TBC1D22A: variants seen among roughly 807,000 people sequenced by gnomAD.
TBC1D22A encodes TBC1 domain family member 22A, also known as putative GTPase activator.
A neutral mutation model predicts 60.2 loss-of-function variants in TBC1D22A; 38 were observed. That is an observed-to-expected ratio of 0.63 (90% CI 0.49 to 0.83). The LOEUF is 0.83. Ranked by LOEUF, TBC1D22A falls within the 40% of genes least tolerant of loss-of-function variation. The pLI, the probability that TBC1D22A is intolerant of heterozygous loss-of-function variation, is 0.00. For synonymous variants in TBC1D22A, 302 were observed against 281.7 expected, an observed-to-expected ratio of 1.07 and a Z score of -0.72; for missense variants, 628 against 701.0, an observed-to-expected ratio of 0.90 and a Z score of 1.18.
chr22:46,922,686 T>C (rs1355750066), intron 8 of TBC1D22A, among the ~76,000 whole-genome samples: 1 of 152,224 alleles, frequency 6.6e-6, no homozygotes, highest in African/African-American at 2.4e-5. Flanking sequence ...TTTATTCTTT[T>C]TGTGGCTGTT....
At chr22:46,885,354 A>G (rs2068058453) in intron 5 of TBC1D22A, among the ~76,000 whole-genome samples, 1 of 152,108 alleles carries the variant, frequency 6.6e-6, no homozygotes. Flanking sequence ...GACTCTGGGC[A>G]CATTAACCAC....
chr22:47,051,917 C>T (rs1022877183), intron 11 of TBC1D22A, among the ~76,000 whole-genome samples: 1 of 152,242 alleles, frequency 6.6e-6, no homozygotes, highest in Admixed American at 6.5e-5. Context: ...GGTCACTGTG[C>T]GGAGGTGAAC....
chr22:47,048,186 T>C (rs1339281656), intron 11 of TBC1D22A, among the ~76,000 whole-genome samples: 1 of 152,164 alleles, frequency 6.6e-6, no homozygotes, highest in East Asian at 1.9e-4. Context: ...GCCCTGCTGC[T>C]GAGAGGTGTG....
intron 12 of TBC1D22A, among the ~76,000 whole-genome samples, chr22:47,136,770 C>G (rs1456832335): frequency 6.6e-6 from 1 of 152,244 alleles, no homozygotes; most frequent in Non-Finnish European, 1.5e-5. Flanking sequence ...ACGTCACTGC[C>G]TGTGCCCCCA....
rs551848371 is a variant in TBC1D22A, at chr22:47,040,776, T to G, written c.1329+3578T>G. 2.3e-4 allele frequency among the ~76,000 whole-genome samples: 35 copies of G among 152,260 alleles called. 1 individual carries two copies. The highest frequency in any genetic ancestry group is 7.5e-4 in the African/African-American group (31 of 41,554). ...AGAACAACAGGTTCTGACAGGACAT[T>G]CAAAGCCAGGTTCTTTTCTCTAAAT... On this transcript the variant is annotated intron_variant, in intron 11 of 12. Coordinates refer to ENST00000337137, the MANE Select transcript of TBC1D22A (RefSeq NM_014346.5).
chr22:47,099,271 T>C (rs1170668250), intron 11 of TBC1D22A, among the ~76,000 whole-genome samples: 2 of 151,902 alleles, frequency 1.3e-5, no homozygotes, highest in Admixed American at 6.6e-5. Context: ...CATTACCAGA[T>C]AAGAAGCCTG....
chr22:47,150,516 G>A (rs1469341444), intron 12 of TBC1D22A, among the ~76,000 whole-genome samples: 12 of 152,206 alleles, frequency 7.9e-5, no homozygotes, highest in Non-Finnish European at 1.0e-4. Context: ...CTGGGTGGCC[G>A]GGCTTGCTGG....
At position 46,762,794 on chromosome 22, in the gene TBC1D22A, G is replaced by C. The variant is rs940047837; in HGVS notation, c.8G>C (p.Ser3Thr). The stretch of plus-strand genomic sequence containing the variant: ...GAGGGATGAGGAGGGGCCATGGCCA[G>C]CGACGGGGCCAGGAAGCAATTCTGG... MA[S>T]DGARKQFWKR... is the part of the protein sequence containing the mutation. Residue 3 changes from serine (S) to threonine (T), a missense_variant, in exon 1 of 13, where the codon AGC becomes ACC. By Grantham distance (58) the Ser-to-Thr change is moderately conservative. Transcript: ENST00000337137. 3.4e-6 allele frequency: 5 copies of C among 1,451,888 alleles called. No homozygotes were observed. The African/African-American group carries it at 7.6e-5, about 22-fold the overall frequency. The allele number at this position is 1,451,888 out of a possible 1,614,324, so 89.9% of individuals were successfully genotyped here.
chr22:47,139,621 C>T (rs1399112256), intron 12 of TBC1D22A, among the ~76,000 whole-genome samples: 2 of 152,160 alleles, frequency 1.3e-5, no homozygotes, highest in African/African-American at 2.4e-5. Flanking sequence ...GGAGAGGGAC[C>T]GCCATTCCTG....
At chr22:46,942,302 T>C (rs769961930) in intron 8 of TBC1D22A, among the ~76,000 whole-genome samples, 1 of 152,142 alleles carries the variant, frequency 6.6e-6, no homozygotes, top group African/African-American at 2.4e-5. Context: ...GAAAAAATCC[T>C]GTTCTGTATT....
At chr22:47,093,199 C>T (rs186109786) in intron 11 of TBC1D22A, among the ~76,000 whole-genome samples, 31 of 152,258 alleles carry the variant, frequency 2.0e-4, no homozygotes, top group South Asian at 4.2e-4. Context: ...GTACTTGTGA[C>T]GGGAGCTTGT....
intron 8 of TBC1D22A, among the ~76,000 whole-genome samples, chr22:46,942,710 G>A (rs889894198): frequency 2.0e-5 from 3 of 152,142 alleles, no homozygotes; most frequent in Non-Finnish European, 2.9e-5. Context: ...TAGCAGTCAC[G>A]TCGCCAGGCC....
chr22:47,000,836 GAA>G (rs55692041), intron 10 of TBC1D22A, among the ~76,000 whole-genome samples: 51,537 of 141,216 alleles, frequency 0.36, 9,478 homozygotes, highest in African/African-American at 0.49. Flanking sequence ...AAAGCAAAAA[GAA>G]AAAAAAAAAA....
At chr22:46,908,760 A>T (rs965001153) in intron 7 of TBC1D22A, among the ~76,000 whole-genome samples, 1 of 151,998 alleles carries the variant, frequency 6.6e-6, no homozygotes, top group Non-Finnish European at 1.5e-5. Context: ...GTGAAAGGGC[A>T]CTCACTTGGC....
At chr22:46,880,718 G>A (rs2067808525) in intron 5 of TBC1D22A, among the ~76,000 whole-genome samples, 1 of 152,208 alleles carries the variant, frequency 6.6e-6, no homozygotes, top group East Asian at 1.9e-4. Flanking sequence ...AGTACAGAGG[G>A]TCAGCTTCTG....
chr22:46,857,833 A>G (rs1331963773), intron 4 of TBC1D22A, among the ~76,000 whole-genome samples: 3 of 152,320 alleles, frequency 2.0e-5, no homozygotes, highest in African/African-American at 7.2e-5. Context: ...TTGGCCAAAT[A>G]AGATTCCATT....
At chr22:46,909,226 G>A (rs780261718) in intron 7 of TBC1D22A, among the ~76,000 whole-genome samples, 5 of 152,028 alleles carry the variant, frequency 3.3e-5, no homozygotes, top group Non-Finnish European at 7.4e-5. Flanking sequence ...TGTGAGACAG[G>A]CCCTCTGAAA....
chr22:47,074,701 G>A (rs1016594043), intron 11 of TBC1D22A, among the ~76,000 whole-genome samples: 4 of 152,192 alleles, frequency 2.6e-5, no homozygotes, highest in East Asian at 1.9e-4. Context: ...CTGTTCTGTC[G>A]GTTCTGTGAG....
chr22:46,798,818 CGCAGGAGCCAT>C (rs1569051227), intron 4 of TBC1D22A, among the ~76,000 whole-genome samples: 1 of 152,204 alleles, frequency 6.6e-6, no homozygotes, highest in Non-Finnish European at 1.5e-5. Context: ...CCAGGAGCCA[CGCAGGAGCCAT>C]GCAGGGGCCA....
Sources: allele counts gnomAD v4.1 joint callset (sites outside exome capture counted in the v4.1 genomes callset), GRCh38; gene constraint gnomAD v4.1.1; transcripts MANE v1.5; gene names NCBI Gene and HGNC (gene_info 2026-07-23, HGNC 2026-07-21).